Variants in SLC2A1 observed in about 807,000 individuals in gnomAD.
SLC2A1 encodes the protein solute carrier family 2, facilitated glucose transporter member 1.
A neutral mutation model predicts 46.6 loss-of-function variants in SLC2A1; 4 were observed. The ratio of observed to expected loss-of-function variants is 0.09; its 90% CI spans 0.04 to 0.20. SLC2A1 has a LOEUF of 0.20. Ranked by LOEUF, SLC2A1 falls within the 10% of genes least tolerant of loss-of-function variation. The pLI is 1.00. For synonymous variants in SLC2A1, 253 were observed against 270.0 expected, an observed-to-expected ratio of 0.94 and a Z score of 0.62; for missense variants, 352 against 667.0, an observed-to-expected ratio of 0.53 and a Z score of 5.20.
At chr1:42,948,375 T>C (rs61296119) in intron 1 of SLC2A1, among the ~76,000 whole-genome samples, 32,503 of 152,124 alleles carry the variant, frequency 0.21, 3,590 homozygotes, top group South Asian at 0.29. Flanking sequence ...TGGCTACTGC[T>C]ACTCAGAGGC....
Position 42,926,845 on chromosome 1 carries a change from C to T in SLC2A1, c.*196G>A. ...TGCTTGTCTGAATAGATTTGAGCAA[C>T]AGTCTTGCTTTTGTTAAAATCCTGG... On this transcript the variant is annotated 3_prime_UTR_variant, in exon 10 of 10. Transcript: ENST00000426263. 6.8e-7 allele frequency: 1 copy of T among 1,476,336 alleles called. No homozygotes were observed. The highest frequency in any genetic ancestry group is 8.9e-7 in the Non-Finnish European group (1 of 1,119,170). The allele number at this position is 1,476,336 out of a possible 1,614,324, so 91.5% of individuals were successfully genotyped here.
intron 1 of SLC2A1, 22 bp from the exon 2 acceptor site, chr1:42,943,343 T>C (rs1409025979): frequency 3.2e-6 from 5 of 1,575,982 alleles, no homozygotes; most frequent in Non-Finnish European, 4.4e-6. Flanking sequence ...CAAACCACAC[T>C]GTTATAGGCG....
chr1:42,945,401 G>GT (rs1329464520), intron 1 of SLC2A1, among the ~76,000 whole-genome samples: 1 of 151,434 alleles, frequency 6.6e-6, no homozygotes, highest in Non-Finnish European at 1.5e-5. Context: ...AAACAGAGCA[G>GT]TGTGTATATT....
At position 42,958,690 on chromosome 1, in the gene SLC2A1, G is replaced by C; in HGVS notation, c.-39C>G. On this transcript the variant is annotated 5_prime_UTR_variant, in exon 1 of 10. Coordinates refer to ENST00000426263, the MANE Select transcript of SLC2A1 (RefSeq NM_006516.4). ...TGGTGGCTCTGGCTGCGCCGGGTAC[G>C]CGGGTGGCGACGGGCGTGCGAGCGG... is the stretch of plus-strand genomic sequence containing the variant. 1 of 1,533,316 alleles carries C rather than the reference G, an allele frequency of 6.5e-7. No homozygotes were observed. The highest frequency in any genetic ancestry group is 8.7e-7 in the Non-Finnish European group (1 of 1,143,868). 95.0% of individuals were successfully genotyped at this position (1,533,316 alleles called of 1,614,324 possible).
rs1015855153 is a variant in SLC2A1 at position 42,943,163 on chromosome 1, G to C, written c.114+63C>G. On this transcript the variant is annotated intron_variant, in intron 2 of 9. Transcript: ENST00000426263. ...ATTCAGGTGGTGGCGTGAGACTGTG[G>C]GCATGTGTGATGTGCAACAGAGCAG... is the stretch of plus-strand genomic sequence containing the variant. 11 of 1,054,664 alleles carry C rather than the reference G, an allele frequency of 1.0e-5. No individual in the cohort carries two copies. In the South Asian group the frequency reaches 1.4e-4, roughly 14 times the overall value. 65.3% of individuals were successfully genotyped at this position (1,054,664 alleles called of 1,614,324 possible). A position where few individuals can be genotyped will look rare whatever the true frequency, so the allele number is the denominator to read the frequency against.
intron 2 of SLC2A1, among the ~76,000 whole-genome samples, chr1:42,931,509 T>C (rs1414541862): frequency 1.3e-5 from 2 of 151,782 alleles, no homozygotes; most frequent in African/African-American, 2.4e-5. Context: ...AAGTGATCAG[T>C]GGTGGAAGTT....
At position 42,929,445 on chromosome 1, in the gene SLC2A1, C is replaced by T. The variant is rs1413436706; in HGVS notation, c.868-131G>A. ...AAATACTCAGGCAGAAGGGACACTG[C>T]ACTGCAGTGACCTTACGGGCTTGGG... On this transcript the variant is annotated intron_variant, in intron 6 of 9. Transcript: ENST00000426263. The surrounding 1 kb of genome is among the most constrained non-coding windows in gnomAD (Gnocchi z 6.0). 9.3e-7 allele frequency: 1 copy of T among 1,072,084 alleles called. No individual in the cohort carries two copies. Among genetic ancestry groups the T allele is most frequent in the South Asian group, 1.3e-5 (1 of 75,696 alleles). The allele number at this position is 1,072,084 out of a possible 1,614,324, so 66.4% of individuals were successfully genotyped here. A position where few individuals can be genotyped will look rare whatever the true frequency, so the allele number is the denominator to read the frequency against.
chr1:42,947,270 G>C (rs1027721316), intron 1 of SLC2A1, among the ~76,000 whole-genome samples: 2 of 152,116 alleles, frequency 1.3e-5, no homozygotes, highest in Non-Finnish European at 2.9e-5. Flanking sequence ...TTTACTGGTG[G>C]GGAGCAATGT....
At position 42,953,261 on chromosome 1, in the gene SLC2A1, C is replaced by T. The variant is rs891884887; in HGVS notation, c.18+5373G>A. Among the ~76,000 whole-genome samples the T allele has an allele frequency of 7.9e-5, 12 of 152,244 alleles. No homozygotes were observed. The South Asian group carries it at 8.3e-4, about 10-fold the overall frequency. On this transcript the variant is annotated intron_variant, in intron 1 of 9. Coordinates refer to ENST00000426263, the MANE Select transcript of SLC2A1 (RefSeq NM_006516.4). ...TGGTCACAAAGAGAGGAGATGCTGTCTTCTTTCTGCCCAGGTTCAAGGCCT... is the reference window on the plus strand; with the variant it reads ...TGGTCACAAAGAGAGGAGATGCTGTTTTCTTTCTGCCCAGGTTCAAGGCCT...
rs1361826000 is a variant in SLC2A1 at position 42,929,414 on chromosome 1, G to A, written c.868-100C>T. ...GGACCCAGGATGAGTAAAGAATGAA[G>A]GGGACAAATACTCAGGCAGAAGGGA... On this transcript the variant is annotated intron_variant, in intron 6 of 9. Transcript: ENST00000426263. The surrounding 1 kb of genome is among the most constrained non-coding windows in gnomAD (Gnocchi z 6.0). The A allele has an allele frequency of 8.7e-7, 1 of 1,143,896 alleles. No homozygotes were observed. Among genetic ancestry groups the A allele is most frequent in the East Asian group, 2.5e-5 (1 of 39,488 alleles). 70.9% of individuals were successfully genotyped at this position (1,143,896 alleles called of 1,614,324 possible).
rs1054328828 is a variant in SLC2A1 at position 42,930,320 on chromosome 1, C to A, written c.517-285G>T. Reference sequence around the variant, plus strand: ...CTCTGCCACAAGAGGGTTTTGGGGACAGGGAAGGGGAAGCCTCCTGGAGAG... The same window carrying A: ...CTCTGCCACAAGAGGGTTTTGGGGAAAGGGAAGGGGAAGCCTCCTGGAGAG... On this transcript the variant is annotated intron_variant, in intron 4 of 9. Coordinates refer to ENST00000426263, the MANE Select transcript of SLC2A1 (RefSeq NM_006516.4). The surrounding 1 kb of genome is among the most constrained non-coding windows in gnomAD (Gnocchi z 6.2). 1 of 626,990 alleles carries A rather than the reference C, an allele frequency of 1.6e-6. No individual in the cohort carries two copies. The highest frequency in any genetic ancestry group is 2.9e-6 in the Non-Finnish European group (1 of 348,560). 38.8% of individuals were successfully genotyped at this position (626,990 alleles called of 1,614,324 possible). A position where few individuals can be genotyped will look rare whatever the true frequency, so the allele number is the denominator to read the frequency against.
At chr1:42,932,384 G>A (rs934048775) in intron 2 of SLC2A1, among the ~76,000 whole-genome samples, 6 of 152,046 alleles carry the variant, frequency 3.9e-5, no homozygotes, top group South Asian at 2.1e-4. Flanking sequence ...CCAGCCACAC[G>A]TATAGCAGAG....
At chr1:42,951,224 G>A (rs1027305040) in intron 1 of SLC2A1, among the ~76,000 whole-genome samples, 1 of 152,148 alleles carries the variant, frequency 6.6e-6, no homozygotes, top group Non-Finnish European at 1.5e-5. Context: ...GAAGGTGATG[G>A]GGCTGCTATT....
At position 42,958,656 on chromosome 1, in the gene SLC2A1, G is replaced by A; in HGVS notation, c.-5C>T. ...CACCTTGCTGCTGGGCTCCATGGCA[G>A]CGCTGCGCTGGTGGCTCTGGCTGCG... On this transcript the variant is annotated 5_prime_UTR_variant, in exon 1 of 10. Coordinates refer to ENST00000426263, the MANE Select transcript of SLC2A1 (RefSeq NM_006516.4). The A allele has an allele frequency of 2.6e-6, 4 of 1,535,212 alleles. No individual in the cohort carries two copies. Among genetic ancestry groups the A allele is most frequent in the Non-Finnish European group, 3.5e-6 (4 of 1,144,818 alleles).
chr1:42,931,549 G>C (rs954414401), intron 2 of SLC2A1, among the ~76,000 whole-genome samples: 1 of 152,148 alleles, frequency 6.6e-6, no homozygotes, highest in Non-Finnish European at 1.5e-5. Flanking sequence ...TACAAGACCA[G>C]GTGTGGTGGC....
Position 42,930,702 on chromosome 1 carries a change from A to G in SLC2A1, c.440T>C (p.Val147Ala). ...GGCCCCACGAAGGGCTGTGGGTGACACTTCACCCACATACATGGGCACGAA... is the reference window on the plus strand; with the variant it reads ...GGCCCCACGAAGGGCTGTGGGTGACGCTTCACCCACATACATGGGCACGAA... ...TGFVPMYVGEVSPTALRGALG... is the reference protein window; with the variant it reads ...TGFVPMYVGEASPTALRGALG... Residue 147 changes from valine to alanine, a missense_variant, in exon 4 of 10, where the codon GTG becomes GCG. Physicochemically the swap from Val to Ala is moderately conservative, Grantham distance 64. Around this residue, in one of 5 missense-constraint regions of SLC2A1, gnomAD observed 12 missense variants for 54.2 expected, o/e 0.22. Coordinates refer to ENST00000426263, the MANE Select transcript of SLC2A1 (RefSeq NM_006516.4). The surrounding 1 kb of genome is among the most constrained non-coding windows in gnomAD (Gnocchi z 6.2). The G allele has an allele frequency of 6.2e-7, 1 of 1,613,264 alleles. No individual in the cohort carries two copies. Among genetic ancestry groups the G allele is most frequent in the Non-Finnish European group, 8.5e-7 (1 of 1,179,706 alleles).
intron 2 of SLC2A1, among the ~76,000 whole-genome samples, chr1:42,936,407 C>T (rs1643543230): frequency 6.6e-6 from 1 of 152,198 alleles, no homozygotes; most frequent in East Asian, 1.9e-4. Flanking sequence ...CAGCCCAGGG[C>T]CTTCATCTCC....
At position 42,954,989 on chromosome 1, in the gene SLC2A1, A is replaced by G. The variant is rs915223394; in HGVS notation, c.18+3645T>C. 6.6e-6 allele frequency among the ~76,000 whole-genome samples: 1 copy of G among 152,222 alleles called. No individual in the cohort carries two copies. The highest frequency in any genetic ancestry group is 2.4e-5 in the African/African-American group (1 of 41,460). ...GGCCTGGCACTCTCACCCATGTGCC[A>G]TGCCTACTCACTTCCCAACAAGCCC... On this transcript the variant is annotated intron_variant, in intron 1 of 9. Coordinates refer to ENST00000426263, the MANE Select transcript of SLC2A1 (RefSeq NM_006516.4). This position sits in a 1 kb window ranked among gnomAD's most constrained non-coding sequence, Gnocchi z 4.2.
At chr1:42,934,078 T>TGC (rs1284926063) in intron 2 of SLC2A1, among the ~76,000 whole-genome samples, 3 of 152,302 alleles carry the variant, frequency 2.0e-5, no homozygotes, top group Non-Finnish European at 4.4e-5. Flanking sequence ...AGTAAATAGG[T>TGC]GCTAAGTAAG....
Sources: gnomAD v4.1 joint callset for allele counts (sites outside exome capture counted in the v4.1 genomes callset) on GRCh38, gnomAD v4.1.1 for gene constraint, gnomAD v4.1.1 regional missense constraint, Gnocchi (gnomAD v3.1) non-coding constraint, MANE v1.5 for transcripts, NCBI Gene and HGNC (gene_info 2026-07-23, HGNC 2026-07-21) for gene names.